The following TEX14 variants were observed in gnomAD, a reference collection of about 807,000 sequenced individuals.
The protein encoded by TEX14 is testis expressed 14, intercellular bridge forming factor, also known as inactive serine/threonine-protein kinase TEX14.
Under a neutral mutation model 178.6 loss-of-function variants are expected in TEX14, and 168 were observed. That is an observed-to-expected ratio of 0.94 (90% CI 0.83 to 1.07). The LOEUF (loss-of-function observed/expected upper bound fraction) is 1.07, where lower values mean the gene tolerates loss of function less well. Among genes scored for constraint, TEX14 ranks in the 50% least tolerant of loss-of-function variants. The probability of loss-of-function intolerance (pLI) is 0.00; values close to 1 mark genes in which losing one functional copy is unlikely to be tolerated. For synonymous variants in TEX14, 626 were observed against 634.1 expected (o/e 0.99, Z 0.19); for missense variants, 1,730 against 1,753.6 (o/e 0.99, Z 0.24).
At chr17:58,597,417 T>A (rs952934727) in intron 14 of TEX14, among the ~76,000 whole-genome samples, 7 of 151,418 alleles carry the variant, frequency 4.6e-5, no homozygotes, top group African/African-American at 1.7e-4. Context: ...TAAAATAAAA[T>A]AAAAAATAAA....
chr17:58,637,610 A>G (rs369095082), intron 2 of TEX14, among the ~76,000 whole-genome samples: 33 of 152,218 alleles, frequency 2.2e-4, no homozygotes, highest in African/African-American at 7.7e-4. Flanking sequence ...AGGTTCCTGG[A>G]GGATGGGCCA....
intron 2 of TEX14, among the ~76,000 whole-genome samples, chr17:58,650,807 G>GAACT (rs1345486792): frequency 7.9e-5 from 12 of 152,148 alleles, no homozygotes; most frequent in Non-Finnish European, 1.6e-4. Flanking sequence ...TATTCAGTGG[G>GAACT]ATAGGTGGAA....
At chr17:58,687,536 A>T (rs1394194243) in intron 1 of TEX14, among the ~76,000 whole-genome samples, 1 of 152,048 alleles carries the variant, frequency 6.6e-6, no homozygotes, top group East Asian at 1.9e-4. Flanking sequence ...GGGTTTCACC[A>T]TGTTGGCCAG....
intron 5 of TEX14, among the ~76,000 whole-genome samples, chr17:58,621,197 G>C (rs945770407): frequency 6.6e-5 from 10 of 152,320 alleles, no homozygotes; most frequent in African/African-American, 2.4e-4. Context: ...TGCCCATCCA[G>C]CTGGCAGCAA....
At chr17:58,589,723 T>C (rs879296646) in intron 15 of TEX14, among the ~76,000 whole-genome samples, 1 of 150,638 alleles carries the variant, frequency 6.6e-6, no homozygotes, top group African/African-American at 2.4e-5. Context: ...CTTTTGGAGA[T>C]AGGGTCTGAC....
chr17:58,651,928 G>A lies in TEX14; in HGVS notation c.74C>T (p.Ala25Val). 6.2e-7 allele frequency: 1 copy of A among 1,613,326 alleles called. No homozygotes were observed. Among genetic ancestry groups the A allele is most frequent in the Non-Finnish European group, 8.5e-7 (1 of 1,179,854 alleles). Residue 25 changes from alanine (A) to valine (V), a missense_variant, in exon 2 of 32, where the codon GCT becomes GTT. This residue lies in a region of TEX14 where 789 missense variants were observed against 681.2 expected (regional missense o/e 1.16). Coordinates refer to ENST00000349033, the MANE Select transcript of TEX14 (RefSeq NM_031272.5). ...TTGTTTGACATACTCATGAAGCTGA[G>A]CTTCCAGGGAGTCATTTCTTAAGGT... is the stretch of plus-strand genomic sequence containing the variant. ...LGTLRNDSLE[A>V]QLHEYVKQGN... is the part of the protein sequence containing the mutation.
At chr17:58,666,617 C>A (rs929006239) in intron 1 of TEX14, 1 of 152,142 alleles carries the variant, frequency 6.6e-6, no homozygotes, top group Non-Finnish European at 1.5e-5. Flanking sequence ...TCGTAGGGAT[C>A]AGCACAAAGT....
In TEX14 at chr17:58,602,609, A is replaced by G; in HGVS notation, c.1337-19T>C. 6.3e-7 allele frequency: 1 copy of G among 1,592,866 alleles called. No individual in the cohort carries two copies. The highest frequency in any genetic ancestry group is 8.6e-7 in the Non-Finnish European group (1 of 1,167,450). On this transcript the variant is annotated intron_variant, in intron 11 of 31. Coordinates refer to ENST00000349033, the MANE Select transcript of TEX14 (RefSeq NM_031272.5). Reference sequence around the variant, plus strand: ...ATGTCATCTGTAAGGAAAAAGTCATACAAAAGAGTAAATTAGGAAACCAAA... The same window carrying G: ...ATGTCATCTGTAAGGAAAAAGTCATGCAAAAGAGTAAATTAGGAAACCAAA...
intron 1 of TEX14, among the ~76,000 whole-genome samples, chr17:58,688,205 C>A (rs2047634544): frequency 1.3e-5 from 2 of 152,096 alleles, no homozygotes; most frequent in Non-Finnish European, 2.9e-5. Context: ...ACTGCAATCT[C>A]TGCCTCCCAT....
At chr17:58,643,201 C>T (rs1036024012) in intron 2 of TEX14, among the ~76,000 whole-genome samples, 2 of 152,110 alleles carry the variant, frequency 1.3e-5, no homozygotes, top group South Asian at 2.1e-4. Context: ...TACTCCTCCC[C>T]CAATAAAGCT....
At chr17:58,600,888 G>A (rs1010250851) in intron 13 of TEX14, among the ~76,000 whole-genome samples, 4 of 152,122 alleles carry the variant, frequency 2.6e-5, no homozygotes, top group African/African-American at 4.8e-5. Context: ...TAATATGAAG[G>A]CATTAAGCCT....
At chr17:58,588,060 G>C (rs754909729) in intron 15 of TEX14, 39 bp from the exon 16 acceptor site, 3 of 797,872 alleles carry the variant, frequency 3.8e-6, no homozygotes, top group Non-Finnish European at 6.6e-6. Context: ...ATCTCTAAGA[G>C]TATTTTTAGT....
chr17:58,682,194 C>T (rs866943769), intron 1 of TEX14, among the ~76,000 whole-genome samples: 9 of 151,940 alleles, frequency 5.9e-5, no homozygotes, highest in South Asian at 2.1e-4. Flanking sequence ...AGCAATTGAC[C>T]CGTCTCCGCC....
chr17:58,661,423 C>T (rs544959569), intron 1 of TEX14: 3 of 829,880 alleles, frequency 3.6e-6, no homozygotes, highest in African/African-American at 3.3e-5. Context: ...AGTCAAGCTG[C>T]GATAACATTT....
chr17:58,590,274 A>AC (rs1037438890), intron 15 of TEX14, among the ~76,000 whole-genome samples: 2 of 151,344 alleles, frequency 1.3e-5, no homozygotes, highest in African/African-American at 4.9e-5. Context: ...AAAAAAAAAA[A>AC]AAAAAACCAT....
chr17:58,563,831 C>G (rs1480003289), intron 28 of TEX14, among the ~76,000 whole-genome samples: 1 of 149,774 alleles, frequency 6.7e-6, no homozygotes, highest in Non-Finnish European at 1.5e-5. Flanking sequence ...CACACACACA[C>G]ACACAGACGG....
chr17:58,617,628 A>AT lies in TEX14; in HGVS notation c.555-10dup. Reference sequence around the variant, plus strand: ...GAGAGCCATTAGGGTTTCTAGAAATATTTAAAACAGGAAAAAAACCTCAGA... The same window carrying AT: ...GAGAGCCATTAGGGTTTCTAGAAATATTTTAAAACAGGAAAAAAACCTCAGA... On this transcript the variant is annotated splice_polypyrimidine_tract_variant and intron_variant, in intron 5 of 31. Coordinates refer to ENST00000349033, the MANE Select transcript of TEX14 (RefSeq NM_031272.5). 1 of 1,604,432 alleles carries AT rather than the reference A, an allele frequency of 6.2e-7. No individual in the cohort carries two copies. The highest frequency in any genetic ancestry group is 8.5e-7 in the Non-Finnish European group (1 of 1,173,380).
intron 2 of TEX14, among the ~76,000 whole-genome samples, chr17:58,648,851 G>A (rs568953639): frequency 7.1e-5 from 10 of 140,726 alleles, no homozygotes; most frequent in Non-Finnish European, 1.2e-4. Flanking sequence ...GTGCAGTGGC[G>A]TGATCTCGGA....
At chr17:58,635,663 C>T (rs866597397) in intron 2 of TEX14, among the ~76,000 whole-genome samples, 39 of 152,138 alleles carry the variant, frequency 2.6e-4, no homozygotes, top group African/African-American at 8.4e-4. Flanking sequence ...CTCCTGACCT[C>T]AAGTGATCCA....
Sources: allele counts gnomAD v4.1 joint callset (sites outside exome capture counted in the v4.1 genomes callset), GRCh38; gene constraint gnomAD v4.1.1; regional missense constraint gnomAD v4.1.1; transcripts MANE v1.5; gene names NCBI Gene and HGNC (gene_info 2026-07-23, HGNC 2026-07-21).